The following LCOR variants were observed in gnomAD, a reference collection of about 807,000 sequenced individuals.
The protein encoded by LCOR is ligand-dependent corepressor.
A neutral mutation model predicts 64.4 loss-of-function variants in LCOR; 14 were observed. That is an observed-to-expected ratio of 0.22 (90% CI 0.14 to 0.34). LCOR has a LOEUF of 0.34. Among genes scored for constraint, LCOR ranks in the 10% least tolerant of loss-of-function variants. LCOR has a pLI of 1.00. For missense variants in LCOR, 1,686 were observed against 1,765.3 expected (o/e 0.96, Z 0.80); for synonymous variants, 643 against 642.5 (o/e 1.00, Z -0.01).
At chr10:96,972,010 G>C (rs1269772232) in intron 7 of LCOR, among the ~76,000 whole-genome samples, 7 of 152,050 alleles carry the variant, frequency 4.6e-5, no homozygotes, top group African/African-American at 1.7e-4. Context: ...AACATCTCCA[G>C]CTGTAGCCTT....
intron 2 of LCOR, among the ~76,000 whole-genome samples, chr10:96,835,478 T>C (rs895441220): frequency 2.0e-5 from 3 of 152,234 alleles, no homozygotes; most frequent in Non-Finnish European, 2.9e-5. Context: ...TTTTATTATA[T>C]GTAATTTTGT....
rs144407275 is a variant in LCOR at position 96,913,562 on chromosome 10, C to T, written c.-184+5815C>T. ...TACCAAAATATAAAATTAGTTTATG[C>T]ACTTAGGTTTAAGACTAAAGTAAGT... On this transcript the variant is annotated intron_variant, in intron 4 of 7. Transcript: ENST00000421806. Among the ~76,000 whole-genome samples the T allele has an allele frequency of 7.2e-5, 11 of 152,272 alleles. No individual in the cohort carries two copies. The East Asian group carries it at 1.9e-3, about 27-fold the overall frequency.
At chr10:96,941,243 C>CG (rs1847465047) in intron 4 of LCOR, among the ~76,000 whole-genome samples, 1 of 136,932 alleles carries the variant, frequency 7.3e-6, no homozygotes, top group African/African-American at 2.7e-5. Context: ...GGGGGCTGAC[C>CG]CCCCCACCTC....
At chr10:96,864,054 A>C (rs1405601279) in intron 2 of LCOR, among the ~76,000 whole-genome samples, 1 of 152,212 alleles carries the variant, frequency 6.6e-6, no homozygotes, top group East Asian at 1.9e-4. Context: ...GATGCCATTA[A>C]ATATTAACTT....
At chr10:96,864,232 A>G (rs1845934210) in intron 2 of LCOR, among the ~76,000 whole-genome samples, 1 of 152,230 alleles carries the variant, frequency 6.6e-6, no homozygotes, top group African/African-American at 2.4e-5. Context: ...ATAATGACAC[A>G]GAGGACAGTC....
At chr10:96,927,327 C>T (rs988277187) in intron 4 of LCOR, among the ~76,000 whole-genome samples, 2 of 151,722 alleles carry the variant, frequency 1.3e-5, no homozygotes, top group African/African-American at 4.9e-5. Context: ...AATCTTTTAC[C>T]AATTTTAGAA....
chr10:96,956,598 G>A (rs1456940994), intron 7 of LCOR: 2 of 985,564 alleles, frequency 2.0e-6, no homozygotes, highest in African/African-American at 3.5e-5. Flanking sequence ...TGGAAAATGT[G>A]CACACACTAC....
At chr10:96,910,429 T>C (rs1045048261) in intron 4 of LCOR, among the ~76,000 whole-genome samples, 1 of 152,250 alleles carries the variant, frequency 6.6e-6, no homozygotes, top group Non-Finnish European at 1.5e-5. Flanking sequence ...ACATCTGTAA[T>C]GGAAAATAGT....
At position 96,987,357 on chromosome 10, in the gene LCOR, C is replaced by T. The variant is rs4606419; in HGVS notation, c.*2223C>T. On this transcript the variant is annotated 3_prime_UTR_variant, in exon 8 of 8. Coordinates refer to ENST00000421806, the MANE Select transcript of LCOR (RefSeq NM_001346516.2). ...AAGAGGTGCCCCGTTGGCTGCATAC[C>T]GACTACCTTGTAAGGTGCTTGGATT... The T allele has an allele frequency of 6.6e-6, 1 of 152,022 alleles. No homozygotes were observed. The highest frequency in any genetic ancestry group is 6.5e-5 in the Admixed American group (1 of 15,282). 9.4% of individuals were successfully genotyped at this position (152,022 alleles called of 1,614,324 possible). A position where few individuals can be genotyped will look rare whatever the true frequency, so the allele number is the denominator to read the frequency against.
chr10:96,863,055 G>T (rs1845914032), intron 2 of LCOR, among the ~76,000 whole-genome samples: 1 of 150,106 alleles, frequency 6.7e-6, no homozygotes, highest in Admixed American at 6.6e-5. Flanking sequence ...GCTAATTTTT[G>T]TATTTTTAGG....
intron 7 of LCOR, among the ~76,000 whole-genome samples, chr10:96,965,230 T>G (rs544526160): frequency 6.3e-4 from 95 of 151,418 alleles, no homozygotes; most frequent in Non-Finnish European, 4.6e-4. Context: ...AGGATGGTCT[T>G]GATCGCCTGA....
chr10:96,881,237 G>T (rs7086735), intron 2 of LCOR, among the ~76,000 whole-genome samples: 4,216 of 152,180 alleles, frequency 0.028, 200 homozygotes, highest in African/African-American at 0.096. Context: ...CTCATTATCT[G>T]ACTCTAAATG....
rs144101937 is a variant in LCOR, at chr10:96,892,069, C to T, written c.-329-15196C>T. Among the ~76,000 whole-genome samples the T allele has an allele frequency of 4.1e-3, 631 of 152,146 alleles. 3 individuals are homozygous for T. Among genetic ancestry groups the T allele is most frequent in the South Asian group, 0.019 (92 of 4,812 alleles). On this transcript the variant is annotated intron_variant, in intron 2 of 7. Coordinates refer to ENST00000421806, the MANE Select transcript of LCOR (RefSeq NM_001346516.2). ...ACTTGAAAAGAATGTGTATTCTGCT[C>T]GTGTTGGTTGGAGTGTTCTGCATAT...
At chr10:96,912,614 TCC>T (rs201403016) in intron 4 of LCOR, among the ~76,000 whole-genome samples, 3,703 of 144,960 alleles carry the variant, frequency 0.026, 158 homozygotes, top group African/African-American at 0.086. Flanking sequence ...CTTTCTTCCT[TCC>T]TTCCTTCCTT....
rs771711824 is a variant in LCOR at position 96,949,284 on chromosome 10, C to G, written c.227C>G (p.Pro76Arg). The G allele has an allele frequency of 9.9e-6, 16 of 1,613,930 alleles. No homozygotes were observed. The highest frequency in any genetic ancestry group is 1.2e-5 in the Non-Finnish European group (14 of 1,179,952). Residue 76 changes from proline (P) to arginine (R), a missense_variant, in exon 6 of 8, where the codon CCT becomes CGT. This residue lies in a region of LCOR where 80 missense variants were observed against 107.7 expected (regional missense o/e 0.74). Coordinates refer to ENST00000421806, the MANE Select transcript of LCOR (RefSeq NM_001346516.2). ...DLTVRKSQSE[P>R]SEQDGVLDLS... Reference sequence around the variant, plus strand: ...ACTGTCAGAAAGTCTCAGTCAGAACCTAGCGAACAAGGTATGGTTTGATGT... The same window carrying G: ...ACTGTCAGAAAGTCTCAGTCAGAACGTAGCGAACAAGGTATGGTTTGATGT...
chr10:96,866,942 G>A (rs1272287035), intron 2 of LCOR, among the ~76,000 whole-genome samples: 4 of 151,962 alleles, frequency 2.6e-5, no homozygotes, highest in Non-Finnish European at 4.4e-5. Flanking sequence ...TGAGAGATTG[G>A]TTTTTCCACA....
intron 2 of LCOR, among the ~76,000 whole-genome samples, chr10:96,878,124 A>T (rs189208895): frequency 1.3e-5 from 2 of 152,214 alleles, no homozygotes; most frequent in African/African-American, 4.8e-5. Context: ...AAAAGTAACA[A>T]TGCAGACCAT....
chr10:96,930,678 C>T (rs189244871), intron 4 of LCOR, among the ~76,000 whole-genome samples: 1 of 152,150 alleles, frequency 6.6e-6, no homozygotes, highest in African/African-American at 2.4e-5. Context: ...GGGTCCTCTC[C>T]AAAATTCAGG....
At chr10:96,862,194 T>C (rs1337874001) in intron 2 of LCOR, among the ~76,000 whole-genome samples, 1 of 152,238 alleles carries the variant, frequency 6.6e-6, no homozygotes, top group African/African-American at 2.4e-5. Context: ...AGCCTCCACA[T>C]GTTCAGGTAT....
Sources: gnomAD v4.1 joint callset for allele counts (sites outside exome capture counted in the v4.1 genomes callset) on GRCh38, gnomAD v4.1.1 for gene constraint, gnomAD v4.1.1 regional missense constraint, MANE v1.5 for transcripts, NCBI Gene and HGNC (gene_info 2026-07-23, HGNC 2026-07-21) for gene names.